Variants in GLG1 observed in about 807,000 individuals in gnomAD.
The protein encoded by GLG1 is golgi glycoprotein 1, also known as Golgi apparatus protein 1.
GLG1 carries 38 observed loss-of-function variants against 160.5 expected under a neutral mutation model. The ratio of observed to expected loss-of-function variants is 0.24; its 90% CI spans 0.18 to 0.31. The LOEUF is 0.31. Among genes scored for constraint, GLG1 ranks in the 10% least tolerant of loss-of-function variants. The pLI is 1.00. For missense variants in GLG1, 1,373 were observed against 1,505.2 expected, an observed-to-expected ratio of 0.91 and a Z score of 1.45; for synonymous variants, 644 against 543.4, an observed-to-expected ratio of 1.19 and a Z score of -2.57.
chr16:74,525,194 C>T (rs2017296410), intron 2 of GLG1, among the ~76,000 whole-genome samples: 1 of 152,130 alleles, frequency 6.6e-6, no homozygotes, highest in South Asian at 2.1e-4. Flanking sequence ...TATAGTAACT[C>T]TATTTAACTT....
intron 2 of GLG1, among the ~76,000 whole-genome samples, chr16:74,516,806 G>C (rs1394460111): frequency 6.6e-6 from 1 of 152,004 alleles, no homozygotes; most frequent in East Asian, 1.9e-4. Flanking sequence ...TAGATAGACT[G>C]CTAGCAAGAC....
At chr16:74,606,610 GGGCCCGCACCAGGCCT>G in intron 1 of GLG1, 31 bp downstream of exon 1, 1 of 1,486,440 alleles carries the variant, frequency 6.7e-7, no homozygotes, top group Non-Finnish European at 9.0e-7. Context: ...CAACACCCTC[GGGCCCGCACCAGGCCT>G]GGCCCTCCCG....
At chr16:74,508,179 G>C (rs1277285514) in intron 3 of GLG1, among the ~76,000 whole-genome samples, 1 of 152,046 alleles carries the variant, frequency 6.6e-6, no homozygotes, top group African/African-American at 2.4e-5. Context: ...AATAGGGCCA[G>C]CTTGAGGACA....
intron 1 of GLG1, among the ~76,000 whole-genome samples, chr16:74,542,501 T>A (rs2017900584): frequency 6.6e-6 from 1 of 151,918 alleles, no homozygotes; most frequent in Middle Eastern, 3.4e-3. Context: ...AAACCCCATC[T>A]CTATTAAAAA....
chr16:74,460,380 C>T (rs1409721908), intron 22 of GLG1, among the ~76,000 whole-genome samples: 1 of 152,184 alleles, frequency 6.6e-6, no homozygotes, highest in Non-Finnish European at 1.5e-5. Flanking sequence ...TGGTCTTGAA[C>T]TCCTGACCTC....
At chr16:74,487,511 T>G (rs1271893310) in intron 8 of GLG1, among the ~76,000 whole-genome samples, 1 of 152,170 alleles carries the variant, frequency 6.6e-6, no homozygotes, top group African/African-American at 2.4e-5. Context: ...TTTCCAATAT[T>G]CTACGATAGA....
At chr16:74,492,199 A>C (rs2016022808) in intron 7 of GLG1, among the ~76,000 whole-genome samples, 1 of 149,608 alleles carries the variant, frequency 6.7e-6, no homozygotes, top group South Asian at 2.1e-4. Context: ...ATCATGGCCA[A>C]CATGGTGAAA....
chr16:74,503,635 T>C lies in GLG1; in HGVS notation c.670A>G (p.Thr224Ala). The C allele has an allele frequency of 5.6e-6, 9 of 1,613,036 alleles. No homozygotes were observed. Among genetic ancestry groups the C allele is most frequent in the Non-Finnish European group, 6.8e-6 (8 of 1,179,018 alleles). Residue 224 changes from threonine to alanine, a missense_variant, in exon 4 of 26, where the codon ACG becomes GCG. Physicochemically the swap from Thr to Ala is moderately conservative, Grantham distance 58. Coordinates refer to ENST00000422840, the MANE Select transcript of GLG1 (RefSeq NM_001145667.2). The part of the protein sequence containing the change: ...YQCHQYITKM[T>A]AIIFSDYRLI... ...CGGTAATCACTAAAAATGATGGCCG[T>C]CATCTTGGTAATGTACTGGTGACAC... is the stretch of plus-strand genomic sequence containing the variant.
In GLG1 at chr16:74,571,058, A is replaced by T. The variant is rs191106317; in HGVS notation, c.438+35599T>A. ...TCAGTAAAACATTAGCAAATGTGAC[A>T]TCAGAGGACTGAAAAGTGCTTGTAC... On this transcript the variant is annotated intron_variant, in intron 1 of 25. Coordinates refer to ENST00000422840, the MANE Select transcript of GLG1 (RefSeq NM_001145667.2). Among the ~76,000 whole-genome samples, 14 of 152,064 alleles carry T rather than the reference A, an allele frequency of 9.2e-5. No homozygotes were observed. In the East Asian group the frequency reaches 2.7e-3, roughly 29 times the overall value.
intron 1 of GLG1, among the ~76,000 whole-genome samples, chr16:74,548,163 T>A (rs1157559168): frequency 6.6e-6 from 1 of 152,238 alleles, no homozygotes; most frequent in Non-Finnish European, 1.5e-5. Flanking sequence ...AACGAGCACT[T>A]TAGCTGCTCT....
intron 8 of GLG1, among the ~76,000 whole-genome samples, chr16:74,490,734 T>C (rs1489314064): frequency 6.6e-6 from 1 of 152,230 alleles, no homozygotes; most frequent in Non-Finnish European, 1.5e-5. Context: ...GCCCTTTCTT[T>C]AGGAACTCTA....
At chr16:74,604,916 G>C (rs1958529914) in intron 1 of GLG1, among the ~76,000 whole-genome samples, 1 of 152,186 alleles carries the variant, frequency 6.6e-6, no homozygotes, top group South Asian at 2.1e-4. Flanking sequence ...GGGCGTGGTG[G>C]CGCTCGCCTG....
At position 74,452,492 on chromosome 16, in the gene GLG1, C is replaced by A; in HGVS notation, c.*675G>T. On this transcript the variant is annotated 3_prime_UTR_variant, in exon 26 of 26. Coordinates refer to ENST00000422840, the MANE Select transcript of GLG1 (RefSeq NM_001145667.2). The stretch of plus-strand genomic sequence containing the variant: ...GAGGAGACCACAGAAATACCCATGG[C>A]TGTGGGGCTGTGACCAGCAGTGGCT... The A allele has an allele frequency of 9.6e-7, 1 of 1,041,834 alleles. No individual in the cohort carries two copies. Among genetic ancestry groups the A allele is most frequent in the South Asian group, 3.7e-5 (1 of 27,060 alleles). The allele number at this position is 1,041,834 out of a possible 1,614,324, so 64.5% of individuals were successfully genotyped here. A position where few individuals can be genotyped will look rare whatever the true frequency, so the allele number is the denominator to read the frequency against.
At chr16:74,458,851 T>C (rs2014665971) in intron 23 of GLG1, among the ~76,000 whole-genome samples, 3 of 152,182 alleles carry the variant, frequency 2.0e-5, no homozygotes, top group African/African-American at 2.4e-5. Context: ...AATATCAACA[T>C]GATGGAACTG....
intron 4 of GLG1, among the ~76,000 whole-genome samples, chr16:74,499,079 G>A (rs77778119): frequency 0.019 from 2,824 of 152,050 alleles, 35 homozygotes; most frequent in Non-Finnish European, 0.027. Context: ...TATCTACTGC[G>A]GACATGAATG....
At position 74,477,538 on chromosome 16, in the gene GLG1, A is replaced by T; in HGVS notation, c.1828-5T>A. ...AGCTCGGCACTCCCGTGAGAGCTGCATGAGAAAAAATGAGCTAAATACTTG... is the reference window on the plus strand; with the variant it reads ...AGCTCGGCACTCCCGTGAGAGCTGCTTGAGAAAAAATGAGCTAAATACTTG... On this transcript the variant is annotated splice_region_variant and splice_polypyrimidine_tract_variant and intron_variant, in intron 11 of 25. Transcript: ENST00000422840. The T allele has an allele frequency of 6.2e-7, 1 of 1,608,592 alleles. No homozygotes were observed. The highest frequency in any genetic ancestry group is 8.5e-7 in the Non-Finnish European group (1 of 1,176,562).
rs372808389 is a variant in GLG1 at position 74,458,014 on chromosome 16, G to A, written c.3145-20C>T. On this transcript the variant is annotated intron_variant, in intron 23 of 25. Coordinates refer to ENST00000422840, the MANE Select transcript of GLG1 (RefSeq NM_001145667.2). ...CACTTCCTGGAAAGGGAGGGTCATT[G>A]CAGACAGAGCTTTTGAAGGGGAAAT... The A allele has an allele frequency of 3.7e-6, 6 of 1,611,834 alleles. No individual in the cohort carries two copies. In the African/African-American group the frequency reaches 6.7e-5, roughly 18 times the overall value.
chr16:74,496,803 A>G (rs556698876), intron 4 of GLG1, among the ~76,000 whole-genome samples, 159 bp from the exon 5 acceptor site: 2 of 152,226 alleles, frequency 1.3e-5, no homozygotes, highest in Non-Finnish European at 2.9e-5. Flanking sequence ...CAAGAAATCA[A>G]GTAAGAACCA....
chr16:74,493,150 G>A lies in GLG1; in HGVS notation c.1051-10C>T. 2 of 1,601,152 alleles carry A rather than the reference G, an allele frequency of 1.2e-6. No homozygotes were observed. Among genetic ancestry groups the A allele is most frequent in the Non-Finnish European group, 8.5e-7 (1 of 1,171,164 alleles). ...TAAGTGCTTCTCGACACTGAGGAAAGAGTACAGCAACAGCCGTGAGACCAC... is the reference window on the plus strand; with the variant it reads ...TAAGTGCTTCTCGACACTGAGGAAAAAGTACAGCAACAGCCGTGAGACCAC... On this transcript the variant is annotated splice_polypyrimidine_tract_variant and intron_variant, in intron 6 of 25. Transcript: ENST00000422840.
Sources: gnomAD v4.1 joint callset for allele counts (sites outside exome capture counted in the v4.1 genomes callset) on GRCh38, gnomAD v4.1.1 for gene constraint, MANE v1.5 for transcripts, NCBI Gene and HGNC (gene_info 2026-07-23, HGNC 2026-07-21) for gene names.